MCF2L2: variants seen among roughly 807,000 people sequenced by gnomAD.
The protein encoded by MCF2L2 is probable guanine nucleotide exchange factor MCF2L2.
In MCF2L2, 102 loss-of-function variants were observed where a neutral mutation model predicts 150.2. The ratio of observed to expected loss-of-function variants is 0.68; its 90% confidence interval spans 0.58 to 0.80. The LOEUF (loss-of-function observed/expected upper bound fraction) is 0.80, where lower values mean the gene tolerates loss of function less well. Ranked by LOEUF, MCF2L2 falls within the 30% of genes least tolerant of loss-of-function variation. The pLI is 0.00. For synonymous variants in MCF2L2, 465 were observed against 491.3 expected (o/e 0.95, Z 0.71); for missense variants, 1,256 against 1,372.8 (o/e 0.91, Z 1.34).
chr3:183,239,091 T>A lies in MCF2L2; in HGVS notation c.1863-8074A>T, dbSNP rs140981330. ...GATGAACAACAGAAAACACTGGGAG[T>A]ATTCAAGTAATTAAAAATAACCTTT... On this transcript the variant is annotated intron_variant, in intron 15 of 29. Transcript: ENST00000328913. Among the ~76,000 whole-genome samples, 4 of 148,304 alleles carry A rather than the reference T, an allele frequency of 2.7e-5. No individual in the cohort carries two copies. In the East Asian group the frequency reaches 7.9e-4, roughly 29 times the overall value.
At chr3:183,337,475 C>T (rs1054062056) in intron 5 of MCF2L2, among the ~76,000 whole-genome samples, 75 of 149,842 alleles carry the variant, frequency 5.0e-4, no homozygotes, top group African/African-American at 1.8e-3. Context: ...ATGGCTTGAA[C>T]CCAGGAGGTG....
At chr3:183,401,443 TTTAAC>T (rs1277365502) in intron 1 of MCF2L2, among the ~76,000 whole-genome samples, 1 of 152,136 alleles carries the variant, frequency 6.6e-6, no homozygotes, top group Non-Finnish European at 1.5e-5. Context: ...TTTAAAGGTT[TTTAAC>T]TTAATTTGGG....
At chr3:183,277,924 C>T (rs1289666747) in intron 14 of MCF2L2, among the ~76,000 whole-genome samples, 1 of 150,356 alleles carries the variant, frequency 6.7e-6, no homozygotes, top group Non-Finnish European at 1.5e-5. Context: ...GTGGCTCATG[C>T]CTGTAATCCC....
At chr3:183,205,976 C>T (rs1293288989) in intron 24 of MCF2L2, 22 bp from the exon 25 acceptor site, 2 of 1,600,498 alleles carry the variant, frequency 1.2e-6, no homozygotes, top group East Asian at 2.2e-5. Context: ...CATAAGAAAA[C>T]ACTATAAGAC....
Position 183,197,370 on chromosome 3 carries a change from G to A in MCF2L2, c.2885-2115C>T, listed in dbSNP as rs1722111236. On this transcript the variant is annotated intron_variant, in intron 25 of 29. Transcript: ENST00000328913. This position sits in a 1 kb window ranked among gnomAD's most constrained non-coding sequence, Gnocchi z 4.5. ...GAAAGAATAGTGTTTTTAACAACTG[G>A]CAATGGAAAAACTAGAACATCAGTA... 6.6e-6 allele frequency among the ~76,000 whole-genome samples: 1 copy of A among 152,066 alleles called. No homozygotes were observed.
chr3:183,276,017 A>C (rs1171060136), intron 15 of MCF2L2, among the ~76,000 whole-genome samples: 1 of 152,234 alleles, frequency 6.6e-6, no homozygotes, highest in African/African-American at 2.4e-5. Flanking sequence ...AAGTCTCAAA[A>C]GATAAACTGT....
chr3:183,413,153 A>G (rs2108624464), intron 1 of MCF2L2, among the ~76,000 whole-genome samples: 1 of 152,254 alleles, frequency 6.6e-6, no homozygotes, highest in Non-Finnish European at 1.5e-5. Flanking sequence ...TTGTATCTAT[A>G]GTTGACCTTT....
At chr3:183,325,293 G>A (rs1729979283) in intron 5 of MCF2L2, among the ~76,000 whole-genome samples, 1 of 152,020 alleles carries the variant, frequency 6.6e-6, no homozygotes, top group Non-Finnish European at 1.5e-5. Context: ...AAAAGTGCCA[G>A]GTACTGGGGG....
At chr3:183,189,288 G>T (rs1721798283) in intron 27 of MCF2L2, among the ~76,000 whole-genome samples, 1 of 152,208 alleles carries the variant, frequency 6.6e-6, no homozygotes, top group African/African-American at 2.4e-5. Flanking sequence ...TCTTTAGGGG[G>T]CATTAAAGCA....
intron 15 of MCF2L2, among the ~76,000 whole-genome samples, chr3:183,256,053 C>G (rs1725017474): frequency 1.3e-5 from 2 of 152,188 alleles, no homozygotes; most frequent in African/African-American, 4.8e-5. Context: ...GGGAAATTGT[C>G]TCTTCTCAGA....
chr3:183,242,465 G>T (rs993673464), intron 15 of MCF2L2, among the ~76,000 whole-genome samples: 1 of 152,224 alleles, frequency 6.6e-6, no homozygotes, highest in Non-Finnish European at 1.5e-5. Flanking sequence ...CATGCCAGTT[G>T]CTCCAGCCAT....
intron 15 of MCF2L2, among the ~76,000 whole-genome samples, chr3:183,245,143 T>C (rs1053957737): frequency 1.3e-5 from 2 of 152,206 alleles, no homozygotes; most frequent in Non-Finnish European, 2.9e-5. Context: ...ATGTAATCTT[T>C]TGTCTAATGG....
chr3:183,204,695 C>T (rs749022851), intron 25 of MCF2L2, among the ~76,000 whole-genome samples: 10 of 152,082 alleles, frequency 6.6e-5, no homozygotes, highest in Non-Finnish European at 1.5e-4. Context: ...ATACAAAAAT[C>T]TGTACAAAAA....
chr3:183,311,111 T>C (rs1261152287), intron 8 of MCF2L2, 82 bp from the exon 9 acceptor site: 7 of 767,890 alleles, frequency 9.1e-6, no homozygotes, highest in Non-Finnish European at 1.3e-5. Flanking sequence ...CTAGAACACC[T>C]GTGTCTTCGG....
chr3:183,370,551 G>T (rs938107281), intron 3 of MCF2L2, among the ~76,000 whole-genome samples: 3 of 152,214 alleles, frequency 2.0e-5, no homozygotes, highest in Non-Finnish European at 4.4e-5. Flanking sequence ...TGGAACGTGG[G>T]TTTCTATCTG....
chr3:183,408,729 AG>A (rs951438107), intron 1 of MCF2L2, among the ~76,000 whole-genome samples: 2 of 152,270 alleles, frequency 1.3e-5, no homozygotes, highest in Admixed American at 1.3e-4. Context: ...AGAAAAAAAC[AG>A]ACACACAATC....
At chr3:183,233,166 C>T (rs1347599223) in intron 15 of MCF2L2, among the ~76,000 whole-genome samples, 1 of 152,076 alleles carries the variant, frequency 6.6e-6, no homozygotes, top group Admixed American at 6.6e-5. Context: ...GCCTGGCCAA[C>T]ATGGTGAAAC....
At chr3:183,292,556 TACAC>T (rs58788215) in intron 13 of MCF2L2, among the ~76,000 whole-genome samples, 2,498 of 145,458 alleles carry the variant, frequency 0.017, 27 homozygotes, top group South Asian at 0.019. Flanking sequence ...AGGGGGTATG[TACAC>T]ACACACACAC....
intron 13 of MCF2L2, among the ~76,000 whole-genome samples, chr3:183,292,441 C>T (rs1483803262): frequency 2.0e-5 from 3 of 151,764 alleles, no homozygotes; most frequent in African/African-American, 7.3e-5. Flanking sequence ...TAGTAGACTC[C>T]CCAACAATAA....
Sources: gnomAD v4.1 joint callset for allele counts (sites outside exome capture counted in the v4.1 genomes callset) on GRCh38, gnomAD v4.1.1 for gene constraint, Gnocchi (gnomAD v3.1) non-coding constraint, MANE v1.5 for transcripts, NCBI Gene and HGNC (gene_info 2026-07-23, HGNC 2026-07-21) for gene names.